Variants in PCDH9 observed in about 807,000 individuals in gnomAD.
PCDH9 encodes protocadherin-9.
Under a neutral mutation model 70.6 loss-of-function variants are expected in PCDH9, and 24 were observed. The observed-to-expected ratio is 0.34, with a 90% CI of 0.25 to 0.48. The LOEUF (loss-of-function observed/expected upper bound fraction) is 0.48. Among genes scored for constraint, PCDH9 ranks in the 20% least tolerant of loss-of-function variants. The pLI, the probability that PCDH9 is intolerant of heterozygous loss-of-function variation, is 0.99. For synonymous variants in PCDH9, 562 were observed against 558.5 expected (o/e 1.01, Z -0.09); for missense variants, 1,281 against 1,503.6 (o/e 0.85, Z 2.45).
At chr13:67,121,965 A>G (rs1419996887) in intron 2 of PCDH9, among the ~76,000 whole-genome samples, 1 of 152,218 alleles carries the variant, frequency 6.6e-6, no homozygotes, top group African/African-American at 2.4e-5. Context: ...TCTATTTTAA[A>G]GTGGCCAAGT....
chr13:66,581,801 C>T (rs866931487), intron 4 of PCDH9, among the ~76,000 whole-genome samples: 2 of 151,242 alleles, frequency 1.3e-5, no homozygotes, highest in Middle Eastern at 6.8e-3. Flanking sequence ...GTTCAATTGC[C>T]TACCACTGGA....
At chr13:66,789,665 A>G (rs760697148) in intron 3 of PCDH9, among the ~76,000 whole-genome samples, 2 of 152,158 alleles carry the variant, frequency 1.3e-5, no homozygotes, top group Non-Finnish European at 2.9e-5. Flanking sequence ...ACTTCCTCTC[A>G]GCACTGTGTA....
intron 3 of PCDH9, among the ~76,000 whole-genome samples, chr13:66,772,389 TCAATTTCTA>T (rs1178030978): frequency 6.6e-6 from 1 of 152,230 alleles, no homozygotes; most frequent in Non-Finnish European, 1.5e-5. Flanking sequence ...ATGCAAGTGT[TCAATTTCTA>T]GCTCATTTTT....
intron 3 of PCDH9, among the ~76,000 whole-genome samples, chr13:66,853,139 T>A (rs1387034924): frequency 1.3e-5 from 2 of 150,908 alleles, no homozygotes; most frequent in South Asian, 2.1e-4. Context: ...ACAGAAATAG[T>A]CAAAAACAAC....
chr13:66,765,756 T>G (rs1018952383), intron 3 of PCDH9, among the ~76,000 whole-genome samples: 4 of 152,196 alleles, frequency 2.6e-5, no homozygotes, highest in African/African-American at 9.6e-5. Flanking sequence ...TCATGTTTAC[T>G]TTCACTCAGA....
intron 4 of PCDH9, among the ~76,000 whole-genome samples, chr13:66,549,687 C>T (rs1181533565): frequency 6.6e-6 from 1 of 151,904 alleles, no homozygotes; most frequent in African/African-American, 2.4e-5. Context: ...ATCTTCGGAG[C>T]ACCTATAAAG....
At chr13:66,571,011 A>C (rs1244319161) in intron 4 of PCDH9, among the ~76,000 whole-genome samples, 1 of 152,010 alleles carries the variant, frequency 6.6e-6, no homozygotes, top group Admixed American at 6.6e-5. Context: ...AGAAATATAT[A>C]ATTTTTACTT....
chr13:66,710,264 A>G (rs777172783), intron 3 of PCDH9, among the ~76,000 whole-genome samples: 2 of 152,166 alleles, frequency 1.3e-5, no homozygotes, highest in African/African-American at 2.4e-5. Flanking sequence ...TCTATTAATT[A>G]TAACTATGGC....
At chr13:66,922,941 G>T (rs1394355246) in intron 2 of PCDH9, among the ~76,000 whole-genome samples, 1 of 151,166 alleles carries the variant, frequency 6.6e-6, no homozygotes, top group Admixed American at 6.6e-5. Flanking sequence ...CACTTTAGAA[G>T]TGTGTTTTTT....
intron 3 of PCDH9, among the ~76,000 whole-genome samples, chr13:66,873,940 C>CTTTT (rs528441546): frequency 4.6e-4 from 51 of 111,118 alleles, no homozygotes; most frequent in Non-Finnish European, 6.2e-4. Flanking sequence ...TTCTTTCTTT[C>CTTTT]TTTTTTTTTT....
At chr13:66,839,224 A>G (rs1316352627) in intron 3 of PCDH9, among the ~76,000 whole-genome samples, 3 of 152,230 alleles carry the variant, frequency 2.0e-5, no homozygotes, top group Admixed American at 1.3e-4. Flanking sequence ...TTTAGGTCCA[A>G]CTAGACATCT....
intron 2 of PCDH9, among the ~76,000 whole-genome samples, chr13:67,007,157 T>C (rs557102407): frequency 6.6e-6 from 1 of 152,250 alleles, no homozygotes; most frequent in Non-Finnish European, 1.5e-5. Flanking sequence ...TAGAAAGAGC[T>C]ATTCTCCAAA....
chr13:67,073,214 G>A (rs1489252583), intron 2 of PCDH9, among the ~76,000 whole-genome samples: 2 of 152,092 alleles, frequency 1.3e-5, no homozygotes, highest in Non-Finnish European at 2.9e-5. Context: ...TATGCAAATG[G>A]TCTGGGAATC....
At chr13:66,715,111 T>C (rs1193733406) in intron 3 of PCDH9, among the ~76,000 whole-genome samples, 1 of 152,162 alleles carries the variant, frequency 6.6e-6, no homozygotes, top group Non-Finnish European at 1.5e-5. Flanking sequence ...AGATTGTACC[T>C]GTCATATCTA....
At chr13:66,652,047 G>C (rs903979120) in intron 3 of PCDH9, among the ~76,000 whole-genome samples, 1 of 152,028 alleles carries the variant, frequency 6.6e-6, no homozygotes, top group Non-Finnish European at 1.5e-5. Flanking sequence ...CCCAGAGCTA[G>C]TGTCATACTG....
intron 4 of PCDH9, among the ~76,000 whole-genome samples, chr13:66,372,446 C>G (rs776085098): frequency 6.6e-5 from 10 of 151,462 alleles, no homozygotes; most frequent in Non-Finnish European, 1.5e-4. Context: ...TCGAGAAGAT[C>G]AGAAAGTAAA....
intron 4 of PCDH9, among the ~76,000 whole-genome samples, chr13:66,559,390 T>C (rs1311085883): frequency 6.6e-6 from 1 of 152,230 alleles, no homozygotes; most frequent in Non-Finnish European, 1.5e-5. Flanking sequence ...TATTTTATTA[T>C]ATGTTGTCTT....
intron 3 of PCDH9, among the ~76,000 whole-genome samples, chr13:66,632,235 C>A (rs942798467): frequency 6.6e-6 from 1 of 152,118 alleles, no homozygotes; most frequent in African/African-American, 2.4e-5. Flanking sequence ...ATGTAAGTGT[C>A]CCTAAAGCAA....
chr13:66,743,364 G>A (rs1217551319), intron 3 of PCDH9, among the ~76,000 whole-genome samples: 1 of 124,298 alleles, frequency 8.0e-6, no homozygotes, highest in Non-Finnish European at 1.7e-5. Context: ...GGAGGGGGGA[G>A]GGATAGCATT....
Sources: gnomAD v4.1 joint callset for allele counts (sites outside exome capture counted in the v4.1 genomes callset) on GRCh38, gnomAD v4.1.1 for gene constraint, MANE v1.5 for transcripts, NCBI Gene and HGNC (gene_info 2026-07-23, HGNC 2026-07-21) for gene names.